Variants in SIL1 observed in about 807,000 individuals in gnomAD.
The protein encoded by SIL1 is nucleotide exchange factor SIL1.
In SIL1, 40 loss-of-function variants were observed where a neutral mutation model predicts 49.1. The ratio of observed to expected loss-of-function variants is 0.81; its 90% CI spans 0.63 to 1.06. The LOEUF is 1.06. Among genes scored for constraint, SIL1 ranks in the 50% least tolerant of loss-of-function variants. SIL1 has a pLI of 0.00. For missense variants in SIL1, 500 were observed against 572.6 expected (o/e 0.87, Z 1.29); for synonymous variants, 253 against 250.8 (o/e 1.01, Z -0.08).
chr5:139,122,846 C>A (rs1750674213), intron 2 of SIL1, among the ~76,000 whole-genome samples: 1 of 152,094 alleles, frequency 6.6e-6, no homozygotes, highest in Admixed American at 6.5e-5. Context: ...TCTAACCACA[C>A]CTGGGAGATG....
At chr5:139,150,503 C>G (rs1345308554) in intron 1 of SIL1, among the ~76,000 whole-genome samples, 1 of 152,062 alleles carries the variant, frequency 6.6e-6, no homozygotes, top group African/African-American at 2.4e-5. Context: ...TTATTATAGC[C>G]ACTCCCCACT....
intron 1 of SIL1, among the ~76,000 whole-genome samples, chr5:139,165,822 C>T (rs1301838776): frequency 6.6e-6 from 1 of 151,338 alleles, no homozygotes; most frequent in African/African-American, 2.4e-5. Flanking sequence ...CCATGCCCGG[C>T]TAATTTTTTT....
intron 3 of SIL1, chr5:139,051,257 T>C: frequency 1.7e-6 from 1 of 588,756 alleles, no homozygotes; most frequent in Non-Finnish European, 3.1e-6. Context: ...TGTAAGGGAA[T>C]GACGTAAGAT....
chr5:139,062,368 T>C (rs73267445), intron 3 of SIL1, among the ~76,000 whole-genome samples: 159 of 152,308 alleles, frequency 1.0e-3, no homozygotes, highest in African/African-American at 3.6e-3. Flanking sequence ...GTATTTTTAC[T>C]CTGAATCACA....
At chr5:138,961,730 G>C (rs1469490360) in intron 7 of SIL1, among the ~76,000 whole-genome samples, 1 of 151,778 alleles carries the variant, frequency 6.6e-6, no homozygotes, top group Non-Finnish European at 1.5e-5. Context: ...GTCTCTTTAG[G>C]TGGCTCCCTG....
intron 2 of SIL1, among the ~76,000 whole-genome samples, chr5:139,122,886 T>C (rs926744376): frequency 5.3e-5 from 8 of 152,198 alleles, no homozygotes; most frequent in Non-Finnish European, 1.0e-4. Flanking sequence ...AGGCACTGAC[T>C]CCAGCATAGT....
chr5:139,043,446 T>C (rs1769089547), intron 4 of SIL1, among the ~76,000 whole-genome samples: 1 of 152,330 alleles, frequency 6.6e-6, no homozygotes, highest in South Asian at 2.1e-4. Flanking sequence ...CTGAACTGAT[T>C]AGACAAGGCA....
intron 7 of SIL1, among the ~76,000 whole-genome samples, chr5:138,973,588 T>C (rs114392630): frequency 0.011 from 1,674 of 152,258 alleles, 41 homozygotes; most frequent in African/African-American, 0.038. Flanking sequence ...CAGCTTCCTA[T>C]GTAGCTGGGA....
intron 3 of SIL1, among the ~76,000 whole-genome samples, chr5:139,062,482 C>T (rs954276958): frequency 2.4e-4 from 36 of 152,046 alleles, no homozygotes; most frequent in African/African-American, 8.0e-4. Flanking sequence ...GAAAAAAAGA[C>T]GCCAGTTTCC....
chr5:139,194,219 G>A (rs934419688), intron 1 of SIL1, among the ~76,000 whole-genome samples: 1 of 152,200 alleles, frequency 6.6e-6, no homozygotes, highest in Non-Finnish European at 1.5e-5. Context: ...GCAAAAGTAA[G>A]AATGCCAGGT....
chr5:139,028,200 A>G (rs1354072306), intron 5 of SIL1, among the ~76,000 whole-genome samples: 3 of 147,966 alleles, frequency 2.0e-5, no homozygotes, highest in South Asian at 2.2e-4. Context: ...GAAGGCCTCA[A>G]AAAAAAAAAA....
chr5:138,988,493 T>TTG (rs1749573566), intron 7 of SIL1, among the ~76,000 whole-genome samples: 1 of 152,208 alleles, frequency 6.6e-6, no homozygotes, highest in African/African-American at 2.4e-5. Context: ...GTTTAAACAA[T>TTG]AAATTTTGCC....
At chr5:139,089,179 G>A (rs1392344247) in intron 3 of SIL1, among the ~76,000 whole-genome samples, 1 of 152,198 alleles carries the variant, frequency 6.6e-6, no homozygotes, top group East Asian at 1.9e-4. Context: ...AAAGACTCCT[G>A]AGAAGGCCTT....
intron 1 of SIL1, among the ~76,000 whole-genome samples, chr5:139,163,445 T>C (rs1016711592): frequency 6.6e-6 from 1 of 151,924 alleles, no homozygotes; most frequent in Admixed American, 6.6e-5. Context: ...TCTCGTCTCA[T>C]TGCAACCTCC....
At chr5:139,090,512 T>TA (rs1235885546) in intron 3 of SIL1, among the ~76,000 whole-genome samples, 1 of 152,204 alleles carries the variant, frequency 6.6e-6, no homozygotes, top group Non-Finnish European at 1.5e-5. Flanking sequence ...GGTGCATGAA[T>TA]AGACAGAATT....
intron 3 of SIL1, among the ~76,000 whole-genome samples, chr5:139,061,881 A>G (rs1007509895): frequency 2.6e-5 from 4 of 152,166 alleles, no homozygotes; most frequent in African/African-American, 7.2e-5. Flanking sequence ...GTAGGCCTCC[A>G]TAAAGGTCAG....
At chr5:139,101,100 T>C (rs1246376704) in intron 3 of SIL1, among the ~76,000 whole-genome samples, 36 of 152,078 alleles carry the variant, frequency 2.4e-4, no homozygotes, top group Admixed American at 2.4e-3. Flanking sequence ...CAGATACAAA[T>C]GTAGCAAGTT....
At position 139,104,986 on chromosome 5, in the gene SIL1, G is replaced by A. The variant is rs565703794; in HGVS notation, c.244+16049C>T. ...GAAAAGCGGAAGAAATGAGAGGCTA[G>A]GCAACCCAGACTCCACCCAAGAAGC... On this transcript the variant is annotated intron_variant, in intron 3 of 9. Transcript: ENST00000394817. Among the ~76,000 whole-genome samples, 4 of 152,232 alleles carry A rather than the reference G, an allele frequency of 2.6e-5. No homozygotes were observed. The South Asian group carries it at 8.3e-4, about 32-fold the overall frequency.
Position 139,135,643 on chromosome 5 carries a change from A to T in SIL1, c.-10-7790T>A, listed in dbSNP as rs78791988. 7.8e-3 allele frequency among the ~76,000 whole-genome samples: 1,179 copies of T among 150,530 alleles called. 5 individuals are homozygous for T. The highest frequency in any genetic ancestry group is 0.013 in the Non-Finnish European group (862 of 67,838). On this transcript the variant is annotated intron_variant, in intron 1 of 9. Coordinates refer to ENST00000394817, the MANE Select transcript of SIL1 (RefSeq NM_022464.5). ...TCTGTACTCCCAGAGGTGGAACACG[A>T]CCTACTCCATTCCCACTCCAGTAGA...
Sources: gnomAD v4.1 joint callset for allele counts (sites outside exome capture counted in the v4.1 genomes callset) on GRCh38, gnomAD v4.1.1 for gene constraint, MANE v1.5 for transcripts, NCBI Gene and HGNC (gene_info 2026-07-23, HGNC 2026-07-21) for gene names.